The following ODAD2 variants were observed in gnomAD, a reference collection of about 807,000 sequenced individuals.
ODAD2 encodes outer dynein arm-docking complex subunit 2.
Under a neutral mutation model 106.8 loss-of-function variants are expected in ODAD2, and 89 were observed. The observed-to-expected ratio is 0.83, with a 90% CI of 0.70 to 0.99. The LOEUF (loss-of-function observed/expected upper bound fraction) is 0.99, where lower values mean the gene tolerates loss of function less well. Ranked by LOEUF, ODAD2 falls within the 50% of genes least tolerant of loss-of-function variation. The pLI, the probability that ODAD2 is intolerant of heterozygous loss-of-function variation, is 0.00. For missense variants in ODAD2, 1,168 were observed against 1,238.5 expected, an observed-to-expected ratio of 0.94 and a Z score of 0.85; for synonymous variants, 404 against 436.2, an observed-to-expected ratio of 0.93 and a Z score of 0.92.
intron 17 of ODAD2, among the ~76,000 whole-genome samples, chr10:27,900,006 T>TGCCTCCTGACTGGGAGAC (rs1843089682): frequency 6.6e-6 from 1 of 152,136 alleles, no homozygotes; most frequent in African/African-American, 2.4e-5. Context: ...CTGACCCCAG[T>TGCCTCCTGACTGGGAGAC]GCCTCCTGAC....
intron 19 of ODAD2, among the ~76,000 whole-genome samples, chr10:27,821,775 T>C (rs1341713888): frequency 1.3e-5 from 2 of 152,240 alleles, no homozygotes; most frequent in African/African-American, 4.8e-5. Context: ...TCTATTTTTT[T>C]ATCTATAGAC....
At chr10:27,834,073 C>T (rs1837679731) in intron 19 of ODAD2, among the ~76,000 whole-genome samples, 1 of 152,216 alleles carries the variant, frequency 6.6e-6, no homozygotes, top group Admixed American at 6.5e-5. Context: ...CCAGCTTGGA[C>T]ATCCCGGTGT....
At chr10:27,984,743 C>T (rs1207129598) in intron 4 of ODAD2, among the ~76,000 whole-genome samples, 1 of 152,112 alleles carries the variant, frequency 6.6e-6, no homozygotes, top group African/African-American at 2.4e-5. Flanking sequence ...AAATGAATCC[C>T]AGGAAAATTG....
At chr10:27,854,318 G>A (rs760780467) in intron 19 of ODAD2, among the ~76,000 whole-genome samples, 5 of 152,044 alleles carry the variant, frequency 3.3e-5, no homozygotes, top group Non-Finnish European at 7.4e-5. Flanking sequence ...AAAGTTAAAG[G>A]TACACATACC....
At chr10:27,859,902 C>T (rs999415035) in intron 19 of ODAD2, among the ~76,000 whole-genome samples, 4 of 152,146 alleles carry the variant, frequency 2.6e-5, no homozygotes, top group South Asian at 2.1e-4. Flanking sequence ...TTTAGACTAA[C>T]AAGCTCCATC....
intron 19 of ODAD2, among the ~76,000 whole-genome samples, chr10:27,824,519 T>C (rs1482637984): frequency 3.9e-5 from 6 of 152,216 alleles, no homozygotes. Context: ...CTTCCCAGCC[T>C]CTAGAACTGT....
At chr10:27,897,714 G>A (rs1842946170) in intron 17 of ODAD2, among the ~76,000 whole-genome samples, 1 of 152,148 alleles carries the variant, frequency 6.6e-6, no homozygotes, top group Non-Finnish European at 1.5e-5. Context: ...ATACAAGAGA[G>A]GGCAGTTCCT....
At chr10:27,921,958 G>A (rs1257944787) in intron 16 of ODAD2, among the ~76,000 whole-genome samples, 1 of 151,342 alleles carries the variant, frequency 6.6e-6, no homozygotes, top group Non-Finnish European at 1.5e-5. Context: ...CTTCAGCTCA[G>A]GGGTTCGAGA....
Position 27,901,291 on chromosome 10 carries a change from C to T in ODAD2, c.2610+6372G>A, listed in dbSNP as rs554156608. Among the ~76,000 whole-genome samples, 8 of 152,272 alleles carry T rather than the reference C, an allele frequency of 5.3e-5. No individual in the cohort carries two copies. The East Asian group carries it at 1.2e-3, about 22-fold the overall frequency. ...GAGATTTTGTCACCACTAGGACTGC[C>T]TTATGAGAGCTCCTGAAGGAAGCAC... On this transcript the variant is annotated intron_variant, in intron 17 of 19. Coordinates refer to ENST00000305242, the MANE Select transcript of ODAD2 (RefSeq NM_018076.5).
intron 19 of ODAD2, among the ~76,000 whole-genome samples, chr10:27,824,212 A>T (rs1030582694): frequency 1.3e-5 from 2 of 151,676 alleles, no homozygotes; most frequent in African/African-American, 4.8e-5. Flanking sequence ...CTCTTGTATC[A>T]GTCTCTAGTC....
At chr10:27,935,310 A>C in intron 15 of ODAD2, 58 bp from the exon 16 acceptor site, 1 of 1,592,306 alleles carries the variant, frequency 6.3e-7, no homozygotes. Context: ...GCTAAAAATT[A>C]CTAAATGTTC....
At chr10:27,950,461 C>T (rs769814452) in intron 10 of ODAD2, among the ~76,000 whole-genome samples, 4 of 152,060 alleles carry the variant, frequency 2.6e-5, no homozygotes, top group Non-Finnish European at 4.4e-5. Context: ...TACTGTTTCC[C>T]GAAGAAAAAT....
At chr10:27,957,510 T>C (rs77921988) in intron 10 of ODAD2, 3,662 of 152,246 alleles carry the variant, frequency 0.024, 126 homozygotes, top group African/African-American at 0.073. Context: ...AGGCAGAACA[T>C]AAGTGCTTAT....
intron 17 of ODAD2, among the ~76,000 whole-genome samples, chr10:27,867,880 C>T (rs529320177): frequency 6.6e-6 from 1 of 151,140 alleles, no homozygotes; most frequent in East Asian, 1.9e-4. Context: ...ACCTGGGAGG[C>T]AGAGATTACA....
At chr10:27,833,166 C>G (rs1837613179) in intron 19 of ODAD2, among the ~76,000 whole-genome samples, 1 of 152,168 alleles carries the variant, frequency 6.6e-6, no homozygotes, top group Admixed American at 6.5e-5. Context: ...AGAGGTGACT[C>G]TGGGATGCAT....
intron 16 of ODAD2, 52 bp downstream of exon 16, chr10:27,934,958 A>G: frequency 6.2e-7 from 1 of 1,602,698 alleles, no homozygotes; most frequent in Non-Finnish European, 8.5e-7. Flanking sequence ...TGACCTCCCA[A>G]GTGTTCTCCC....
intron 17 of ODAD2, among the ~76,000 whole-genome samples, chr10:27,882,512 G>A (rs11006755): frequency 9.4e-4 from 143 of 152,194 alleles, no homozygotes; most frequent in African/African-American, 3.3e-3. Context: ...ATAACAAAAA[G>A]AACACAGGCA....
At chr10:27,850,896 G>A (rs1839209994) in intron 19 of ODAD2, among the ~76,000 whole-genome samples, 1 of 152,196 alleles carries the variant, frequency 6.6e-6, no homozygotes, top group Non-Finnish European at 1.5e-5. Context: ...GGAGAGCCCA[G>A]ACAAAGCCTG....
chr10:27,881,268 C>T (rs1221140508), intron 17 of ODAD2, among the ~76,000 whole-genome samples: 3 of 151,776 alleles, frequency 2.0e-5, no homozygotes, highest in Non-Finnish European at 2.9e-5. Flanking sequence ...TATTTGATTC[C>T]ACATGTCATT....
Sources: allele counts gnomAD v4.1 joint callset (sites outside exome capture counted in the v4.1 genomes callset), GRCh38; gene constraint gnomAD v4.1.1; transcripts MANE v1.5; gene names NCBI Gene and HGNC (gene_info 2026-07-23, HGNC 2026-07-21).